The following BRF1 variants were observed in gnomAD, a reference collection of about 807,000 sequenced individuals.
The protein encoded by BRF1 is transcription factor IIIB 90 kDa subunit.
A neutral mutation model predicts 81.7 loss-of-function variants in BRF1; 59 were observed. That is an observed-to-expected ratio of 0.72 (90% CI 0.59 to 0.90). The LOEUF is 0.90. Among genes scored for constraint, BRF1 ranks in the 40% least tolerant of loss-of-function variants. BRF1 has a pLI of 0.00. For missense variants in BRF1, 1,050 were observed against 936.3 expected (o/e 1.12, Z -1.58); for synonymous variants, 491 against 395.6 (o/e 1.24, Z -2.86).
chr14:105,250,734 GCTT>G (rs2055557487), intron 5 of BRF1: 1 of 1,488,930 alleles, frequency 6.7e-7, no homozygotes, highest in Non-Finnish European at 9.1e-7. Flanking sequence ...GATGCTAACT[GCTT>G]CTTGACACCA....
chr14:105,309,325 C>T lies in BRF1; in HGVS notation c.-162+5997G>A, dbSNP rs2058281115. On this transcript the variant is annotated intron_variant, in intron 1 of 17. Coordinates refer to the BRF1 transcript ENST00000327359. The surrounding 1 kb of genome is among the most constrained non-coding windows in gnomAD (Gnocchi z 4.0). ...CCAGGTCATGCTGTGTTCAACTTTACACCCTGATTTGTCACACAATCACAT... is the reference window on the plus strand; with the variant it reads ...CCAGGTCATGCTGTGTTCAACTTTATACCCTGATTTGTCACACAATCACAT... Among the ~76,000 whole-genome samples, 1 of 151,630 alleles carries T rather than the reference C, an allele frequency of 6.6e-6. No homozygotes were observed. Among genetic ancestry groups the T allele is most frequent in the African/African-American group, 2.4e-5 (1 of 40,868 alleles).
upstream of BRF1, among the ~76,000 whole-genome samples, chr14:105,302,188 C>G (rs1443229341): frequency 6.6e-6 from 1 of 151,210 alleles, no homozygotes; most frequent in Non-Finnish European, 1.5e-5. Flanking sequence ...AAGACCCCAC[C>G]CTCTTTTTTT....
At chr14:105,218,847 G>A (rs973720164) in intron 14 of BRF1, 151 bp downstream of exon 14, 12 of 1,104,130 alleles carry the variant, frequency 1.1e-5, no homozygotes, top group East Asian at 4.8e-5. Context: ...GGTTAAGGAC[G>A]TGGGTCTGGG....
At chr14:105,280,195 T>G (rs1204733771) in intron 2 of BRF1, among the ~76,000 whole-genome samples, 1 of 152,214 alleles carries the variant, frequency 6.6e-6, no homozygotes, top group Non-Finnish European at 1.5e-5. Flanking sequence ...GGCGGTGGAA[T>G]ATTACTCACC....
rs1338683220 is a variant in BRF1 at position 105,259,410 on chromosome 14, A to C, written c.440-2861T>G. Among the ~76,000 whole-genome samples the C allele has an allele frequency of 2.6e-5, 4 of 152,244 alleles. 1 individual carries two copies. The highest frequency in any genetic ancestry group is 5.9e-5 in the Non-Finnish European group (4 of 68,038). On this transcript the variant is annotated intron_variant, in intron 3 of 17. Transcript: ENST00000547530. ...CAGTGAGCTGTGATTGCACCACTGC[A>C]CTGAGCTGGGGCCACAGAGTGAGAC...
At chr14:105,251,429 C>T (rs1052416242) in intron 5 of BRF1, among the ~76,000 whole-genome samples, 9 of 152,208 alleles carry the variant, frequency 5.9e-5, no homozygotes, top group African/African-American at 9.7e-5. Context: ...GACACTGCTG[C>T]GGGACAGCCT....
intron 5 of BRF1, chr14:105,248,597 C>A (rs1394309835): frequency 3.2e-6 from 3 of 951,604 alleles, no homozygotes; most frequent in South Asian, 4.8e-5. Context: ...GGGACGGCGC[C>A]CCCCGCGGCC....
At chr14:105,227,012 G>A (rs937528142) in intron 7 of BRF1, 2 of 452,474 alleles carry the variant, frequency 4.4e-6, no homozygotes, top group Admixed American at 8.1e-5. Flanking sequence ...TACTTGGGAG[G>A]CTGAGGTCAG....
At chr14:105,253,237 T>C (rs895952699) in intron 4 of BRF1, among the ~76,000 whole-genome samples, 1 of 152,186 alleles carries the variant, frequency 6.6e-6, no homozygotes, top group Non-Finnish European at 1.5e-5. Flanking sequence ...AGCCCTGCCG[T>C]GGGCCGAGTA....
chr14:105,248,259 AG>A (rs2055262820), intron 5 of BRF1: 1 of 985,440 alleles, frequency 1.0e-6, no homozygotes, highest in Non-Finnish European at 1.2e-6. Context: ...CCGCGGCCAG[AG>A]GCAGACTCCG....
At chr14:105,224,795 T>C (rs1295345400) in intron 10 of BRF1, among the ~76,000 whole-genome samples, 1 of 152,188 alleles carries the variant, frequency 6.6e-6, no homozygotes, top group Non-Finnish European at 1.5e-5. Context: ...TCCTCCTGTA[T>C]TTGCCTCCCA....
intron 3 of BRF1, among the ~76,000 whole-genome samples, chr14:105,266,345 G>A (rs928745086): frequency 2.0e-5 from 3 of 152,136 alleles, no homozygotes; most frequent in Non-Finnish European, 2.9e-5. Flanking sequence ...CCAGGGAGTT[G>A]GAGGTTGCAA....
In BRF1 at chr14:105,241,258, G is replaced by T. The variant is rs200577191; in HGVS notation, c.694+7C>A. ...AGCATCCCCCAGGCAGGCAGGGCCC[G>T]CTGTACCTGCTCCGCAGAGGCCCGA... is the stretch of plus-strand genomic sequence containing the variant. On this transcript the variant is annotated splice_region_variant and intron_variant, in intron 6 of 17. Coordinates refer to ENST00000547530, the MANE Select transcript of BRF1 (RefSeq NM_001519.4). 5.6e-6 allele frequency: 9 copies of T among 1,610,238 alleles called. No homozygotes were observed. Among genetic ancestry groups the T allele is most frequent in the African/African-American group, 1.3e-5 (1 of 74,996 alleles).
intron 14 of BRF1, 60 bp from the exon 15 acceptor site, chr14:105,217,860 G>C: frequency 6.3e-7 from 1 of 1,583,422 alleles, no homozygotes; most frequent in Non-Finnish European, 8.6e-7. Flanking sequence ...TCCACCATCA[G>C]GGGCTCCACG....
chr14:105,254,450 A>G (rs930348427), intron 4 of BRF1, among the ~76,000 whole-genome samples: 3 of 151,952 alleles, frequency 2.0e-5, no homozygotes, highest in Non-Finnish European at 4.4e-5. Flanking sequence ...GTAGAGATGG[A>G]GTTTCACCGC....
intron 7 of BRF1, chr14:105,227,907 GATAA>G (rs2141584217): frequency 6.6e-6 from 1 of 152,344 alleles, no homozygotes; most frequent in Non-Finnish European, 1.5e-5. Context: ...TAAGATTTGT[GATAA>G]ATGTCACAGC....
Position 105,284,588 on chromosome 14 carries a change from G to C in BRF1, c.265+1708C>G, listed in dbSNP as rs1008030063. Among the ~76,000 whole-genome samples the C allele has an allele frequency of 6.6e-6, 1 of 152,170 alleles. No homozygotes were observed. Among genetic ancestry groups the C allele is most frequent in the East Asian group, 1.9e-4 (1 of 5,194 alleles). On this transcript the variant is annotated intron_variant, in intron 2 of 17. Transcript: ENST00000547530. This position sits in a 1 kb window ranked among gnomAD's most constrained non-coding sequence, Gnocchi z 4.0. Reference sequence around the variant, plus strand: ...TAAGGCTGCAGGACATGGCTGCACCGATCACAAGAATCCCTCACGTGGTCC... The same window carrying C: ...TAAGGCTGCAGGACATGGCTGCACCCATCACAAGAATCCCTCACGTGGTCC...
chr14:105,250,092 T>C (rs767685042), intron 5 of BRF1: 4 of 1,612,964 alleles, frequency 2.5e-6, no homozygotes, highest in Non-Finnish European at 3.4e-6. Flanking sequence ...CTAGAGGAGT[T>C]TGCCAACGGC....
chr14:105,278,656 A>T (rs2056942681), intron 2 of BRF1, among the ~76,000 whole-genome samples: 1 of 152,140 alleles, frequency 6.6e-6, no homozygotes, highest in Non-Finnish European at 1.5e-5. Context: ...CTGTCATCCC[A>T]GCACTTTGGG....
Sources: allele counts gnomAD v4.1 joint callset (sites outside exome capture counted in the v4.1 genomes callset), GRCh38; gene constraint gnomAD v4.1.1; non-coding constraint Gnocchi (gnomAD v3.1); transcripts MANE v1.5; gene names NCBI Gene and HGNC (gene_info 2026-07-23, HGNC 2026-07-21).